Variants in IGSF11 observed in about 807,000 individuals in gnomAD.
IGSF11 encodes CXADR like 1.
In IGSF11, 22 loss-of-function variants were observed where a neutral mutation model predicts 41.0. The observed-to-expected ratio is 0.54, with a 90% CI of 0.38 to 0.77. The LOEUF (loss-of-function observed/expected upper bound fraction) is 0.77, where lower values mean the gene tolerates loss of function less well. IGSF11 is among the 30% of genes least tolerant of loss of function. The pLI, the probability that IGSF11 is intolerant of heterozygous loss-of-function variation, is 0.00. For synonymous variants in IGSF11, 219 were observed against 201.3 expected (o/e 1.09, Z -0.74); for missense variants, 444 against 530.8 (o/e 0.84, Z 1.61).
intron 1 of IGSF11, among the ~76,000 whole-genome samples, chr3:119,110,714 T>C (rs2077139640): frequency 6.6e-6 from 1 of 152,216 alleles, no homozygotes; most frequent in South Asian, 2.1e-4. Flanking sequence ...GGCATGATTT[T>C]GCAGCGGCTG....
At chr3:119,009,426 T>C (rs1425706755) in intron 1 of IGSF11, among the ~76,000 whole-genome samples, 1 of 152,146 alleles carries the variant, frequency 6.6e-6, no homozygotes, top group East Asian at 1.9e-4. Context: ...TGGGGGCAGT[T>C]TCCCCCATGC....
intron 1 of IGSF11, among the ~76,000 whole-genome samples, chr3:118,967,545 A>G (rs1445968889): frequency 2.0e-5 from 3 of 152,126 alleles, no homozygotes; most frequent in Non-Finnish European, 1.5e-5. Flanking sequence ...TTGCTGTGCC[A>G]TGTTGTCTAG....
chr3:118,907,417 A>G (rs1438228204), intron 4 of IGSF11, among the ~76,000 whole-genome samples: 2 of 152,196 alleles, frequency 1.3e-5, no homozygotes, highest in Non-Finnish European at 2.9e-5. Context: ...CACAATTACA[A>G]TATATGGAAT....
chr3:118,938,221 T>C (rs1043266592), intron 1 of IGSF11, among the ~76,000 whole-genome samples: 1 of 152,234 alleles, frequency 6.6e-6, no homozygotes, highest in Non-Finnish European at 1.5e-5. Context: ...TTTCCTATTA[T>C]CACTTCCTCC....
intron 1 of IGSF11, among the ~76,000 whole-genome samples, chr3:118,933,178 C>T (rs1044738835): frequency 1.3e-5 from 2 of 152,188 alleles, no homozygotes; most frequent in Non-Finnish European, 2.9e-5. Context: ...AGATGAGCTG[C>T]TTTCAGAACT....
rs2076660116 is a variant in IGSF11 at position 119,085,747 on chromosome 3, CA to C, written c.49+19396del. Among the ~76,000 whole-genome samples the C allele has an allele frequency of 3.9e-5, 6 of 152,164 alleles. No individual in the cohort carries two copies. The South Asian group carries it at 1.2e-3, about 31-fold the overall frequency. Reference sequence around the variant, plus strand: ...ACTTCATTAAAAGAATGTAATAATACAATCAGAAGTGTTAACAGCAGAACAG... The same window carrying C: ...ACTTCATTAAAAGAATGTAATAATACATCAGAAGTGTTAACAGCAGAACAG... On this transcript the variant is annotated intron_variant, in intron 1 of 6. Transcript: ENST00000354673.
intron 1 of IGSF11, among the ~76,000 whole-genome samples, chr3:118,932,435 G>A (rs543258953): frequency 2.6e-4 from 39 of 152,330 alleles, no homozygotes; most frequent in Non-Finnish European, 4.4e-4. Flanking sequence ...TGTTCTTCAC[G>A]TATAGTCTGA....
At chr3:119,023,531 ACATGTACGCACCC>A (rs1939521110) in intron 1 of IGSF11, among the ~76,000 whole-genome samples, 1 of 152,160 alleles carries the variant, frequency 6.6e-6, no homozygotes, top group East Asian at 1.9e-4. Context: ...ACACATATGC[ACATGTACGCACCC>A]CCCACACCCA....
intron 6 of IGSF11, among the ~76,000 whole-genome samples, chr3:118,904,401 T>G (rs11927719): frequency 0.26 from 39,926 of 152,092 alleles, 7,235 homozygotes; most frequent in African/African-American, 0.51. Context: ...ACACGGAAGA[T>G]AAGGAGAACT....
intron 1 of IGSF11, among the ~76,000 whole-genome samples, chr3:119,137,031 T>G: frequency 6.6e-6 from 1 of 151,958 alleles, no homozygotes; most frequent in South Asian, 2.1e-4. Flanking sequence ...GTGAAAGATC[T>G]CTACAATAAA....
chr3:119,037,077 G>C (rs1354843227), upstream of IGSF11, among the ~76,000 whole-genome samples: 1 of 152,082 alleles, frequency 6.6e-6, no homozygotes, highest in Non-Finnish European at 1.5e-5. Context: ...AAAAAGTGTG[G>C]TTTTTAAAAA....
chr3:119,130,011 A>T (rs2077457568), intron 1 of IGSF11, among the ~76,000 whole-genome samples: 1 of 152,178 alleles, frequency 6.6e-6, no homozygotes, highest in African/African-American at 2.4e-5. Flanking sequence ...AATTAAAAAA[A>T]TTAAAGCAAG....
chr3:118,948,815 A>T (rs569507631), intron 1 of IGSF11, among the ~76,000 whole-genome samples: 5 of 142,674 alleles, frequency 3.5e-5, no homozygotes, highest in East Asian at 2.0e-4. Context: ...AATAAAAAAT[A>T]AAAAAAAATA....
intron 1 of IGSF11, among the ~76,000 whole-genome samples, chr3:119,064,659 C>G (rs1252903511): frequency 6.6e-6 from 1 of 151,914 alleles, no homozygotes; most frequent in Non-Finnish European, 1.5e-5. Context: ...GGCTCCCAAT[C>G]CAAGAACATG....
chr3:118,947,389 T>C (rs1944237087), intron 1 of IGSF11: 1 of 152,194 alleles, frequency 6.6e-6, no homozygotes, highest in Non-Finnish European at 1.5e-5. Flanking sequence ...TAAAGTTTCA[T>C]GAAGAAAGTG....
chr3:118,990,904 T>C (rs115349228), intron 1 of IGSF11, among the ~76,000 whole-genome samples: 84 of 152,276 alleles, frequency 5.5e-4, no homozygotes, highest in Middle Eastern at 3.4e-3. Flanking sequence ...AGTTCCTTGA[T>C]TGGAAGAAAT....
chr3:119,135,099 C>G (rs550102136), intron 1 of IGSF11, among the ~76,000 whole-genome samples: 1 of 152,220 alleles, frequency 6.6e-6, no homozygotes, highest in South Asian at 2.1e-4. Context: ...GATCTAAAAC[C>G]ATAAAAACCC....
intron 2 of IGSF11, among the ~76,000 whole-genome samples, chr3:118,929,002 C>A (rs1249308527): frequency 1.3e-5 from 2 of 152,104 alleles, no homozygotes; most frequent in Non-Finnish European, 2.9e-5. Flanking sequence ...CATAAATATT[C>A]TTACCAGTTC....
chr3:118,920,789 G>A (rs1403152200), intron 4 of IGSF11, among the ~76,000 whole-genome samples: 1 of 152,136 alleles, frequency 6.6e-6, no homozygotes, highest in Non-Finnish European at 1.5e-5. Context: ...GCTGAAGCAT[G>A]TAAAATATTG....
Sources: gnomAD v4.1 joint callset for allele counts (sites outside exome capture counted in the v4.1 genomes callset) on GRCh38, gnomAD v4.1.1 for gene constraint, MANE v1.5 for transcripts, NCBI Gene and HGNC (gene_info 2026-07-23, HGNC 2026-07-21) for gene names.